The following NSUN7 variants were observed in gnomAD, a reference collection of about 807,000 sequenced individuals.
NSUN7 encodes the protein NOP2/Sun RNA methyltransferase family member 7, also known as protein NSUN7.
NSUN7 carries 39 observed loss-of-function variants against 58.5 expected under a neutral mutation model. That is an observed-to-expected ratio of 0.67 (90% CI 0.52 to 0.87). NSUN7 has a LOEUF of 0.87. Ranked by LOEUF, NSUN7 falls within the 40% of genes least tolerant of loss-of-function variation. NSUN7 has a pLI of 0.00. For missense variants in NSUN7, 765 were observed against 844.1 expected, an observed-to-expected ratio of 0.91 and a Z score of 1.16; for synonymous variants, 278 against 303.7, an observed-to-expected ratio of 0.92 and a Z score of 0.88.
chr4:40,750,936 T>C lies in NSUN7; in HGVS notation c.243T>C (p.Ser81=), dbSNP rs762282723. 5 of 1,614,108 alleles carry C rather than the reference T, an allele frequency of 3.1e-6. No individual in the cohort carries two copies. The Admixed American group carries it at 8.3e-5, about 27-fold the overall frequency. ...GNEPLRSLSE[S]EDQSFQRLSY... ...AACCCCTGCGGTCCTTGTCCGAGTC[T>C]GAGGATCAGTCCTTTCAGCGTTTGT... Residue 81 remains serine (S), a synonymous_variant, in exon 2 of 12, where the codon TCT becomes TCC. Coordinates refer to ENST00000381782, the MANE Select transcript of NSUN7 (RefSeq NM_024677.6).
Position 40,750,912 on chromosome 4 carries a change from A to G in NSUN7, c.219A>G (p.Glu73=). The change falls in exon 2 of 12, where the codon GAA becomes GAG. Residue 73 remains glutamate, a synonymous_variant. Transcript: ENST00000381782. Reference sequence around the variant, plus strand: ...AAGTCTTAATCAAGTATGGGAATGAACCCCTGCGGTCCTTGTCCGAGTCTG... The same window carrying G: ...AAGTCTTAATCAAGTATGGGAATGAGCCCCTGCGGTCCTTGTCCGAGTCTG... ...AQKVLIKYGN[E]PLRSLSESED... 6.2e-7 allele frequency: 1 copy of G among 1,614,110 alleles called. No homozygotes were observed. The highest frequency in any genetic ancestry group is 8.5e-7 in the Non-Finnish European group (1 of 1,180,028).
At chr4:40,769,235 C>G (rs1216502485) in intron 4 of NSUN7, among the ~76,000 whole-genome samples, 1 of 152,234 alleles carries the variant, frequency 6.6e-6, no homozygotes, top group African/African-American at 2.4e-5. Context: ...CTATAACTCT[C>G]ACTTTCCTGC....
intron 2 of NSUN7, among the ~76,000 whole-genome samples, chr4:40,751,400 GGCAGTGA>G (rs1272321410): frequency 6.6e-6 from 1 of 151,978 alleles, no homozygotes; most frequent in Non-Finnish European, 1.5e-5. Context: ...TGGGATTACA[GGCAGTGA>G]GCCACCACGC....
intron 7 of NSUN7, among the ~76,000 whole-genome samples, chr4:40,781,098 C>A (rs181085983): frequency 7.6e-4 from 116 of 151,736 alleles, no homozygotes; most frequent in African/African-American, 2.6e-3. Flanking sequence ...ACACAGTCTC[C>A]CTCTGTTGCC....
chr4:40,760,640 A>ATC, intron 3 of NSUN7, 148 bp downstream of exon 3: 1 of 576,526 alleles, frequency 1.7e-6, no homozygotes, highest in South Asian at 2.2e-5. Context: ...AGGCGGGCGG[A>ATC]TCATCTGAGG....
chr4:40,794,555 T>C lies in NSUN7; in HGVS notation c.1282+79T>C, dbSNP rs77195250. On this transcript the variant is annotated intron_variant, in intron 9 of 11. Transcript: ENST00000381782. Reference sequence around the variant, plus strand: ...ATTAGTCTTTCACGATCTATTATAATCAAGCAATGAAGTGTGAGCCATGAG... The same window carrying C: ...ATTAGTCTTTCACGATCTATTATAACCAAGCAATGAAGTGTGAGCCATGAG... The C allele has an allele frequency of 1.9e-3, 1,596 of 851,776 alleles. 18 individuals carry two copies. The East Asian group carries it at 0.023, about 12-fold the overall frequency. 52.8% of individuals were successfully genotyped at this position (851,776 alleles called of 1,614,324 possible). A position where few individuals can be genotyped will look rare whatever the true frequency, so the allele number is the denominator to read the frequency against.
At chr4:40,808,029 CAAAAAA>C (rs397878278) in intron 11 of NSUN7, among the ~76,000 whole-genome samples, 64 of 60,174 alleles carry the variant, frequency 1.1e-3, no homozygotes, top group African/African-American at 3.7e-3. Context: ...GACTCCATCT[CAAAAAA>C]AAAAAAAAAA....
chr4:40,807,314 A>C lies in NSUN7; in HGVS notation c.1524+130A>C, dbSNP rs1743847054. 46 of 808,230 alleles carry C rather than the reference A, an allele frequency of 5.7e-5. No individual in the cohort carries two copies. In the South Asian group the frequency reaches 8.9e-4, roughly 16 times the overall value. 50.1% of individuals were successfully genotyped at this position (808,230 alleles called of 1,614,324 possible). A position where few individuals can be genotyped will look rare whatever the true frequency, so the allele number is the denominator to read the frequency against. On this transcript the variant is annotated intron_variant, in intron 11 of 11. Transcript: ENST00000381782. Reference sequence around the variant, plus strand: ...GCATTTCACAAACACATTTCAGCTGAAGGGCAGGAACAAGAATTGGCAAAT... The same window carrying C: ...GCATTTCACAAACACATTTCAGCTGCAGGGCAGGAACAAGAATTGGCAAAT...
At chr4:40,758,661 CA>C (rs1741291728) in intron 2 of NSUN7, among the ~76,000 whole-genome samples, 2 of 150,912 alleles carry the variant, frequency 1.3e-5, no homozygotes, top group African/African-American at 4.9e-5. Flanking sequence ...CCCATCTCTA[CA>C]AAAAATACAA....
chr4:40,766,088 A>G (rs1384402644), intron 4 of NSUN7, among the ~76,000 whole-genome samples: 2 of 152,018 alleles, frequency 1.3e-5, no homozygotes, highest in African/African-American at 4.8e-5. Flanking sequence ...TCTCCTGCCT[A>G]ATTGCCCTGG....
intron 2 of NSUN7, among the ~76,000 whole-genome samples, chr4:40,759,068 G>C (rs1333871189): frequency 6.6e-6 from 1 of 152,138 alleles, no homozygotes; most frequent in Non-Finnish European, 1.5e-5. Context: ...CCAGCACTTT[G>C]GGAGGCCGAG....
At chr4:40,754,360 C>A (rs1741028137) in intron 2 of NSUN7, among the ~76,000 whole-genome samples, 1 of 152,090 alleles carries the variant, frequency 6.6e-6, no homozygotes, top group Non-Finnish European at 1.5e-5. Flanking sequence ...GTTGGCCAGG[C>A]TGGTCTTGAA....
At chr4:40,753,934 G>A (rs1740973300) in intron 2 of NSUN7, among the ~76,000 whole-genome samples, 1 of 152,098 alleles carries the variant, frequency 6.6e-6, no homozygotes, top group South Asian at 2.1e-4. Context: ...CCATGATTGT[G>A]AGGCCTCCCC....
intron 8 of NSUN7, among the ~76,000 whole-genome samples, chr4:40,791,929 G>A (rs769248686): frequency 2.6e-5 from 4 of 152,200 alleles, no homozygotes; most frequent in Non-Finnish European, 5.9e-5. Context: ...TGGTCATGTA[G>A]CTAGTAAGTA....
intron 7 of NSUN7, among the ~76,000 whole-genome samples, chr4:40,788,666 G>C (rs145717751): frequency 5.3e-5 from 8 of 152,296 alleles, no homozygotes; most frequent in African/African-American, 1.9e-4. Context: ...TCCAATGCTT[G>C]TTTATCCCTA....
At chr4:40,806,426 G>T (rs1743809643) in intron 10 of NSUN7, among the ~76,000 whole-genome samples, 1 of 152,240 alleles carries the variant, frequency 6.6e-6, no homozygotes, top group East Asian at 1.9e-4. Flanking sequence ...TATTCATGAT[G>T]AACCACTTAC....
chr4:40,774,998 C>T (rs1742199363), intron 6 of NSUN7, 48 bp downstream of exon 6: 2 of 771,424 alleles, frequency 2.6e-6, no homozygotes, highest in South Asian at 3.9e-5. Flanking sequence ...TCCAACCTAG[C>T]CAAAGAACTT....
Position 40,808,919 on chromosome 4 carries a change from C to T in NSUN7, c.2137C>T (p.Pro713Ser). 2 of 1,525,922 alleles carry T rather than the reference C, an allele frequency of 1.3e-6. No individual in the cohort carries two copies. The highest frequency in any genetic ancestry group is 1.8e-6 in the Non-Finnish European group (2 of 1,137,554). 94.5% of individuals were successfully genotyped at this position (1,525,922 alleles called of 1,614,324 possible). A position where few individuals can be genotyped will look rare whatever the true frequency, so the allele number is the denominator to read the frequency against. ...KDDTPSSLLR[P>S]PRRWL Reference sequence around the variant, plus strand: ...TGACACACCTTCCTCCCTACTCAGGCCTCCTCGGCGATGGCTTTGATTGTC... The same window carrying T: ...TGACACACCTTCCTCCCTACTCAGGTCTCCTCGGCGATGGCTTTGATTGTC... Residue 713 changes from proline (P) to serine (S), a missense_variant, in exon 12 of 12, where the codon CCT becomes TCT. Pro to Ser is a moderately conservative substitution (Grantham distance 74, BLOSUM62 -1). Coordinates refer to ENST00000381782, the MANE Select transcript of NSUN7 (RefSeq NM_024677.6).
At position 40,774,303 on chromosome 4, in the gene NSUN7, G is replaced by C; in HGVS notation, c.527G>C (p.Arg176Pro). ...IKLAAALARCRIKHDALSIYH... is the reference protein window; with the variant it reads ...IKLAAALARCPIKHDALSIYH... Reference sequence around the variant, plus strand: ...TTGGCTGCAGCATTGGCAAGATGTCGAATCAAGCATGATGCCCTTTCAATT... The same window carrying C: ...TTGGCTGCAGCATTGGCAAGATGTCCAATCAAGCATGATGCCCTTTCAATT... Residue 176 changes from arginine to proline, a missense_variant, in exon 5 of 12, where the codon CGA becomes CCA. Physicochemically the swap from Arg to Pro is moderately radical, Grantham distance 103. Transcript: ENST00000381782. 6.2e-7 allele frequency: 1 copy of C among 1,614,042 alleles called. No homozygotes were observed. The highest frequency in any genetic ancestry group is 8.5e-7 in the Non-Finnish European group (1 of 1,179,938).
Sources: gnomAD v4.1 joint callset for allele counts (sites outside exome capture counted in the v4.1 genomes callset) on GRCh38, gnomAD v4.1.1 for gene constraint, MANE v1.5 for transcripts, NCBI Gene and HGNC (gene_info 2026-07-23, HGNC 2026-07-21) for gene names.